Variants in BFSP1 observed in about 807,000 individuals in gnomAD.
BFSP1 encodes the protein beaded filament structural protein 1.
BFSP1 carries 38 observed loss-of-function variants against 43.9 expected under a neutral mutation model. The ratio of observed to expected loss-of-function variants is 0.87; its 90% confidence interval spans 0.67 to 1.14. The LOEUF (loss-of-function observed/expected upper bound fraction) is 1.14. Ranked by LOEUF, BFSP1 falls within the 50% of genes most tolerant of loss-of-function variation. The pLI, the probability that BFSP1 is intolerant of heterozygous loss-of-function variation, is 0.00. For synonymous variants in BFSP1, 352 were observed against 354.8 expected, an observed-to-expected ratio of 0.99 and a Z score of 0.09; for missense variants, 850 against 875.1, an observed-to-expected ratio of 0.97 and a Z score of 0.36.
chr20:17,557,467 A>G (rs750899326), intron 1 of BFSP1, among the ~76,000 whole-genome samples: 4 of 151,868 alleles, frequency 2.6e-5, no homozygotes, highest in Non-Finnish European at 5.9e-5. Context: ...CTGCCCCCCT[A>G]TGTCCCCTAC....
At chr20:17,556,926 A>AT (rs2035001992) in intron 1 of BFSP1, among the ~76,000 whole-genome samples, 1 of 152,078 alleles carries the variant, frequency 6.6e-6, no homozygotes, top group Non-Finnish European at 1.5e-5. Context: ...TTCTGAAATT[A>AT]TTTTTAATGG....
upstream of BFSP1, among the ~76,000 whole-genome samples, chr20:17,559,805 C>T (rs2122124902): frequency 6.6e-6 from 1 of 151,984 alleles, no homozygotes; most frequent in South Asian, 2.1e-4. Context: ...GAAACCAATC[C>T]CCCGCCAACC....
intron 1 of BFSP1, among the ~76,000 whole-genome samples, chr20:17,546,499 G>A (rs1288450645): frequency 1.3e-5 from 2 of 152,186 alleles, no homozygotes; most frequent in Non-Finnish European, 2.9e-5. Context: ...ACAGGAGTTT[G>A]AGACCAGCCT....
At chr20:17,558,547 G>T in intron 1 of BFSP1, 1 of 873,540 alleles carries the variant, frequency 1.1e-6, no homozygotes. Flanking sequence ...TATCATTTTA[G>T]AAATTTCCAT....
chr20:17,539,929 T>TG (rs759064044), intron 1 of BFSP1, among the ~76,000 whole-genome samples: 4 of 152,134 alleles, frequency 2.6e-5, no homozygotes, highest in East Asian at 1.9e-4. Context: ...GACCTGAAAT[T>TG]GGGGGGGACA....
chr20:17,498,915 C>G lies in BFSP1; in HGVS notation c.861G>C (p.Lys287Asn), dbSNP rs755382054. The change falls in exon 6 of 8, where the codon AAG becomes AAC. Residue 287 changes from lysine to asparagine, a missense_variant. Physicochemically the swap from Lys to Asn is moderately conservative, Grantham distance 94. Coordinates refer to ENST00000377873, the MANE Select transcript of BFSP1 (RefSeq NM_001195.5). The part of the protein sequence containing the change: ...EIEETERVLE[K>N]SSYDCRQLAV... The stretch of plus-strand genomic sequence containing the variant: ...CCAGCTGCCGGCAGTCGTAAGAAGA[C>G]TTCTCCAGGACCCGCTCTGTCTCCT... The G allele has an allele frequency of 6.2e-7, 1 of 1,614,212 alleles. No homozygotes were observed.
chr20:17,515,261 G>A (rs75570616), intron 2 of BFSP1, among the ~76,000 whole-genome samples: 3,272 of 152,196 alleles, frequency 0.021, 128 homozygotes, highest in African/African-American at 0.075. Context: ...AGATCGGAGC[G>A]CTAGGTATAT....
chr20:17,503,178 C>T lies in BFSP1; in HGVS notation c.736-4138G>A, dbSNP rs2033844037. 2.0e-5 allele frequency among the ~76,000 whole-genome samples: 3 copies of T among 151,816 alleles called. No individual in the cohort carries two copies. In the South Asian group the frequency reaches 6.2e-4, roughly 31 times the overall value. On this transcript the variant is annotated intron_variant, in intron 5 of 7. Coordinates refer to ENST00000377873, the MANE Select transcript of BFSP1 (RefSeq NM_001195.5). ...AGCTGAGACCACAGGTGAATGCCAC[C>T]ATGCCCAGCCAATTAAAAAAAAATT...
At chr20:17,560,160 A>T (rs188922517), upstream of BFSP1, among the ~76,000 whole-genome samples, 3 of 152,086 alleles carry the variant, frequency 2.0e-5, no homozygotes, top group African/African-American at 7.2e-5. Flanking sequence ...CAAAGAAAAT[A>T]AAAAAACAGG....
intron 6 of BFSP1, among the ~76,000 whole-genome samples, chr20:17,498,055 T>C (rs1049889081): frequency 2.6e-5 from 4 of 152,188 alleles, no homozygotes; most frequent in African/African-American, 9.7e-5. Flanking sequence ...TGCCAAGCAT[T>C]CGAGTGCTCA....
chr20:17,566,795 A>G (rs1253102011), intron 1 of BFSP1, among the ~76,000 whole-genome samples: 2 of 152,140 alleles, frequency 1.3e-5, no homozygotes, highest in Admixed American at 1.3e-4. Context: ...CTGAGATTAC[A>G]GGTGCCTGCC....
intron 2 of BFSP1, among the ~76,000 whole-genome samples, chr20:17,523,604 C>T (rs1326876834): frequency 6.6e-6 from 1 of 150,502 alleles, no homozygotes; most frequent in Non-Finnish European, 1.5e-5. Context: ...TCCTCAGGGC[C>T]TTCCTGAAGT....
chr20:17,556,273 C>T (rs367543501), intron 1 of BFSP1, among the ~76,000 whole-genome samples: 22 of 151,894 alleles, frequency 1.4e-4, no homozygotes, highest in East Asian at 9.7e-4. Context: ...GAGGCCAAGG[C>T]GAGAGGACTG....
upstream of BFSP1, among the ~76,000 whole-genome samples, chr20:17,533,099 C>A (rs1442324150): frequency 6.6e-6 from 1 of 152,052 alleles, no homozygotes; most frequent in African/African-American, 2.4e-5. Flanking sequence ...ACCTCTAATC[C>A]AGAACTTTGG....
At chr20:17,512,254 G>A (rs1244092933) in intron 3 of BFSP1, among the ~76,000 whole-genome samples, 186 bp from the exon 4 acceptor site, 1 of 152,228 alleles carries the variant, frequency 6.6e-6, no homozygotes, top group Non-Finnish European at 1.5e-5. Context: ...CTGCCCACAT[G>A]TGCACCATGC....
At chr20:17,547,729 T>C (rs989671134) in intron 1 of BFSP1, among the ~76,000 whole-genome samples, 40 of 127,174 alleles carry the variant, frequency 3.1e-4, no homozygotes, top group Non-Finnish European at 6.0e-4. Context: ...TTTTTCTTTT[T>C]CTTTCTTTTT....
chr20:17,524,740 AG>A, intron 2 of BFSP1, 107 bp downstream of exon 2: 1 of 1,209,860 alleles, frequency 8.3e-7, no homozygotes, highest in South Asian at 1.2e-5. Context: ...CAAAAGAAGT[AG>A]TGACCGCCAA....
At chr20:17,539,105 CTTTT>C (rs1156875265) in intron 1 of BFSP1, among the ~76,000 whole-genome samples, 11 of 63,556 alleles carry the variant, frequency 1.7e-4, no homozygotes, top group Admixed American at 1.3e-3. Context: ...ATTTCTTCTT[CTTTT>C]TTTTTTTTTT....
At chr20:17,517,908 C>G (rs1396079799) in intron 2 of BFSP1, among the ~76,000 whole-genome samples, 1 of 152,188 alleles carries the variant, frequency 6.6e-6, no homozygotes, top group Non-Finnish European at 1.5e-5. Flanking sequence ...CTTGTTCCTC[C>G]TCAGTGCTCC....
Sources: allele counts gnomAD v4.1 joint callset (sites outside exome capture counted in the v4.1 genomes callset), GRCh38; gene constraint gnomAD v4.1.1; transcripts MANE v1.5; gene names NCBI Gene and HGNC (gene_info 2026-07-23, HGNC 2026-07-21).